The following GPR174 variants were observed in gnomAD, a reference collection of about 807,000 sequenced individuals.
The protein encoded by GPR174 is probable G protein-coupled receptor 174.
In GPR174, 8 loss-of-function variants were observed where a neutral mutation model predicts 16.5. That is an observed-to-expected ratio of 0.48 (90% confidence interval 0.28 to 0.87). GPR174 has a LOEUF of 0.87. Ranked by LOEUF, GPR174 falls within the 40% of genes least tolerant of loss-of-function variation. GPR174 has a pLI of 0.09. For synonymous variants in GPR174, 111 were observed against 94.8 expected, an observed-to-expected ratio of 1.17 and a Z score of -0.99; for missense variants, 214 against 247.5, an observed-to-expected ratio of 0.86 and a Z score of 0.91.
intron 2 of GPR174, among the ~76,000 whole-genome samples, chrX:79,159,908 C>T (rs1160345780): frequency 9.0e-6 from 1 of 111,698 alleles, no homozygotes; most frequent in Non-Finnish European, 1.9e-5. Flanking sequence ...AAGTGACTCT[C>T]TCAGGATCAC....
intron 2 of GPR174, among the ~76,000 whole-genome samples, chrX:79,165,912 T>TA (rs1921349561): frequency 9.0e-6 from 1 of 111,485 alleles, no homozygotes; most frequent in Non-Finnish European, 1.9e-5. Flanking sequence ...AACTTTCCTT[T>TA]AAAAAATCCT....
chrX:79,145,611 G>C (rs1028651804), intron 1 of GPR174, among the ~76,000 whole-genome samples: 5 of 111,335 alleles, frequency 4.5e-5, no homozygotes, highest in African/African-American at 1.6e-4. Context: ...TAACTCTTTG[G>C]GGGTGCTATT....
chrX:79,164,045 C>T (rs982850586), intron 2 of GPR174, among the ~76,000 whole-genome samples: 2 of 111,515 alleles, frequency 1.8e-5, no homozygotes, highest in Non-Finnish European at 3.8e-5. Flanking sequence ...TGAGGACCTA[C>T]ATTATTATTT....
intron 2 of GPR174, among the ~76,000 whole-genome samples, chrX:79,165,249 C>T (rs1018217994): frequency 3.8e-5 from 4 of 106,413 alleles, no homozygotes; most frequent in African/African-American, 1.4e-4. Context: ...AAGAAAATGG[C>T]TCCCAAATAT....
intron 1 of GPR174, among the ~76,000 whole-genome samples, chrX:79,146,840 C>T (rs1926508826): frequency 9.0e-6 from 1 of 111,424 alleles, no homozygotes; most frequent in South Asian, 3.8e-4. Flanking sequence ...GACAAAGAAA[C>T]ACACCTTCTG....
At chrX:79,150,620 G>A (rs757811444) in intron 1 of GPR174, among the ~76,000 whole-genome samples, 1 of 111,435 alleles carries the variant, frequency 9.0e-6, no homozygotes, top group East Asian at 2.8e-4. Context: ...AATTGATTTG[G>A]TTTCATATCT....
chrX:79,165,862 C>G (rs1377272740), intron 2 of GPR174, among the ~76,000 whole-genome samples: 1 of 111,484 alleles, frequency 9.0e-6, no homozygotes, highest in African/African-American at 3.3e-5. Flanking sequence ...GTCTGATTAT[C>G]TTGGACCTTA....
intron 2 of GPR174, among the ~76,000 whole-genome samples, chrX:79,161,336 G>T (rs1374222909): frequency 9.0e-6 from 1 of 111,706 alleles, no homozygotes; most frequent in African/African-American, 3.3e-5. Flanking sequence ...CATTGAACTT[G>T]ATTTAAATCA....
rs373730641 is a variant in GPR174, at chrX:79,145,008, T to C, written c.-863T>C. On this transcript the variant is annotated 5_prime_UTR_variant, in exon 1 of 3. Transcript: ENST00000645147. ...TTTCTTTCTTTCTCTCTCTCTCTCT[T>C]TCTTTCTTTCTTTCTTTCTTTCTTT... 8.8e-4 allele frequency: 7 copies of C among 7,939 alleles called. No individual in the cohort carries two copies. Among genetic ancestry groups the C allele is most frequent in the African/African-American group, 3.5e-3 (5 of 1,429 alleles). 0.7% of individuals were successfully genotyped at this position (7,939 alleles called of 1,213,427 possible). A position where few individuals can be genotyped will look rare whatever the true frequency, so the allele number is the denominator to read the frequency against.
intron 1 of GPR174, among the ~76,000 whole-genome samples, chrX:79,152,814 A>G (rs755246464): frequency 5.4e-5 from 6 of 111,797 alleles, no homozygotes; most frequent in Non-Finnish European, 1.1e-4. Flanking sequence ...TTCTCTCTTA[A>G]GGGTATGGAT....
intron 2 of GPR174, among the ~76,000 whole-genome samples, chrX:79,168,958 A>G (rs1921442843): frequency 9.0e-6 from 1 of 111,261 alleles, no homozygotes; most frequent in East Asian, 2.8e-4. Context: ...CAGAGACCTA[A>G]TATTGCTGGA....
intron 2 of GPR174, among the ~76,000 whole-genome samples, chrX:79,165,658 C>T (rs1038803859): frequency 9.0e-6 from 1 of 111,471 alleles, no homozygotes; most frequent in African/African-American, 3.3e-5. Flanking sequence ...CCAACAATTC[C>T]GGCCAGAACC....
intron 1 of GPR174, among the ~76,000 whole-genome samples, chrX:79,150,605 GAT>G (rs1200063013): frequency 2.7e-5 from 3 of 111,518 alleles, no homozygotes; most frequent in Admixed American, 9.5e-5. Context: ...TAATTAAAAA[GAT>G]AGAATTGATT....
At position 79,171,466 on chromosome X, in the gene GPR174, A is replaced by C. The variant is rs1318687765; in HGVS notation, c.459A>C (p.Pro153=). Residue 153 remains proline, a synonymous_variant, in exon 3 of 3, where the codon CCA becomes CCC. Coordinates refer to ENST00000645147, the MANE Select transcript of GPR174 (RefSeq NM_032553.3). ...TCTGCCTTGCCTGTGTACTCTTTCC[A>C]CTCCTCAGAACCAGTGATGATACCT... ...LIICLACVLF[P]LLRTSDDTSG... is the part of the protein sequence containing the mutation. The C allele has an allele frequency of 8.3e-7, 1 of 1,208,037 alleles. No homozygotes were observed. The highest frequency in any genetic ancestry group is 1.8e-5 in the African/African-American group (1 of 56,620).
At chrX:79,169,060 A>G (rs980648552) in intron 2 of GPR174, among the ~76,000 whole-genome samples, 1 of 112,001 alleles carries the variant, frequency 8.9e-6, no homozygotes, top group African/African-American at 3.3e-5. Flanking sequence ...AACTTCCCAT[A>G]AGAACTCCAT....
rs1213230821 is a variant in GPR174, at chrX:79,173,978, A to G, written c.*1969A>G. On this transcript the variant is annotated 3_prime_UTR_variant, in exon 3 of 3. Coordinates refer to ENST00000645147, the MANE Select transcript of GPR174 (RefSeq NM_032553.3). ...TACTTTTAATGTGAGAGTCTTATCT[A>G]TAGTATTTGTGCTTAGTATTTTCTA... The G allele has an allele frequency of 8.9e-6, 1 of 111,887 alleles. No individual in the cohort carries two copies. The highest frequency in any genetic ancestry group is 2.8e-4 in the East Asian group (1 of 3,560). The allele number at this position is 111,887 out of a possible 1,213,427, so 9.2% of individuals were successfully genotyped here. A position where few individuals can be genotyped will look rare whatever the true frequency, so the allele number is the denominator to read the frequency against.
intron 2 of GPR174, among the ~76,000 whole-genome samples, chrX:79,167,454 CCTAA>C (rs1430551674): frequency 9.1e-6 from 1 of 110,304 alleles, no homozygotes; most frequent in Non-Finnish European, 1.9e-5. Context: ...GAATATGCAG[CCTAA>C]CTTTTTTTTT....
chrX:79,170,224 C>T (rs374039368), intron 2 of GPR174, among the ~76,000 whole-genome samples: 1 of 111,482 alleles, frequency 9.0e-6, no homozygotes, highest in Non-Finnish European at 1.9e-5. Context: ...AGCTCCCAAG[C>T]GTCATTCGTT....
At chrX:79,160,190 C>T (rs1024592527) in intron 2 of GPR174, among the ~76,000 whole-genome samples, 7 of 110,508 alleles carry the variant, frequency 6.3e-5, no homozygotes, top group African/African-American at 2.3e-4. Flanking sequence ...CAAAAAAAGG[C>T]CTTTTTTTTC....
Sources: allele counts gnomAD v4.1 joint callset (sites outside exome capture counted in the v4.1 genomes callset), GRCh38; gene constraint gnomAD v4.1.1; transcripts MANE v1.5; gene names NCBI Gene and HGNC (gene_info 2026-07-23, HGNC 2026-07-21).